PPP1R18: variants seen among roughly 807,000 people sequenced by gnomAD.
PPP1R18 encodes the protein phostensin.
Under a neutral mutation model 54.8 loss-of-function variants are expected in PPP1R18, and 31 were observed. The ratio of observed to expected loss-of-function variants is 0.57; its 90% confidence interval spans 0.43 to 0.76. The LOEUF is 0.76. Among genes scored for constraint, PPP1R18 ranks in the 30% least tolerant of loss-of-function variants. The pLI is 0.00. For missense variants in PPP1R18, 685 were observed against 776.1 expected, an observed-to-expected ratio of 0.88 and a Z score of 1.39; for synonymous variants, 310 against 320.2, an observed-to-expected ratio of 0.97 and a Z score of 0.34.
chr6:30,679,192 C>T lies in PPP1R18; in HGVS notation c.1809G>A (p.Lys603=), dbSNP rs1040350247. Residue 603 remains lysine, a synonymous_variant, in exon 2 of 3, where the codon AAG becomes AAA. Transcript: ENST00000274853. ...QPELQGGLRT[K]ALIVDESCRR ...GCCTCCGCTTACCCACAATCAGGGC[C>T]TTGGTGCGCAGCCCGCCCTGGAGCT... The T allele has an allele frequency of 1.9e-6, 3 of 1,593,332 alleles. No individual in the cohort carries two copies. The highest frequency in any genetic ancestry group is 2.6e-6 in the Non-Finnish European group (3 of 1,174,588).
chr6:30,686,908 C>G (rs946608582), upstream of PPP1R18: 1 of 152,466 alleles, frequency 6.6e-6, no homozygotes, highest in Non-Finnish European at 1.5e-5. Flanking sequence ...CTCCATGTCT[C>G]TTCTCCCCGG....
At chr6:30,681,033 C>T (rs1320421763) in intron 1 of PPP1R18, among the ~76,000 whole-genome samples, 4 of 149,654 alleles carry the variant, frequency 2.7e-5, no homozygotes, top group African/African-American at 9.9e-5. Context: ...TGCAGTGAGC[C>T]GAGGTCGCGC....
rs1770379963 is a variant in PPP1R18, at chr6:30,679,179, C to T, written c.1822G>A (p.Asp608Asn). ...GGLRTKALIVDESCRR is the reference protein window; with the variant it reads ...GGLRTKALIVNESCRR ...TCGGGCCGGCGGAGCCTCCGCTTAC[C>T]CACAATCAGGGCCTTGGTGCGCAGC... Residue 608 changes from aspartate (D) to asparagine (N), a missense_variant and splice_region_variant, in exon 2 of 3, where the codon GAT (aspartate) becomes AAT (asparagine). Transcript: ENST00000274853. 1 of 1,597,654 alleles carries T rather than the reference C, an allele frequency of 6.3e-7. No homozygotes were observed. Among genetic ancestry groups the T allele is most frequent in the Admixed American group, 1.7e-5 (1 of 58,420 alleles).
chr6:30,679,158 G>A lies in PPP1R18; in HGVS notation c.1822+21C>T, dbSNP rs1257444133. On this transcript the variant is annotated intron_variant, in intron 2 of 2. Transcript: ENST00000274853. ...CTCTGACAGCAGGGGGCGCCCTCGG[G>A]CCGGCGGAGCCTCCGCTTACCCACA... 2.5e-6 allele frequency: 4 copies of A among 1,592,122 alleles called. No homozygotes were observed. In the South Asian group the frequency reaches 4.4e-5, roughly 18 times the overall value.
rs907928492 is a variant in PPP1R18, at chr6:30,686,345, C to A, written c.-327G>T. On this transcript the variant is annotated 5_prime_UTR_variant, in exon 1 of 3. Transcript: ENST00000274853. Reference sequence around the variant, plus strand: ...CACAGGGTTAATGCGTATTAAAGACCGTCTCTAGGATGTGAGAAAGAGAGA... The same window carrying A: ...CACAGGGTTAATGCGTATTAAAGACAGTCTCTAGGATGTGAGAAAGAGAGA... 1 of 367,806 alleles carries A rather than the reference C, an allele frequency of 2.7e-6. No homozygotes were observed. Among genetic ancestry groups the A allele is most frequent in the Non-Finnish European group, 4.9e-6 (1 of 204,874 alleles). 22.8% of individuals were successfully genotyped at this position (367,806 alleles called of 1,614,324 possible). A position where few individuals can be genotyped will look rare whatever the true frequency, so the allele number is the denominator to read the frequency against.
upstream of PPP1R18, chr6:30,687,925 C>T (rs1246939099): frequency 6.6e-6 from 1 of 152,272 alleles, no homozygotes; most frequent in Non-Finnish European, 1.5e-5. The surrounding 1 kb of genome is among the most constrained non-coding windows in gnomAD (Gnocchi z 7.9). Context: ...TGGCCGAACC[C>T]CAGCGGTTGC....
chr6:30,683,570 G>C lies in PPP1R18; in HGVS notation c.1611+838C>G, dbSNP rs1770677898. Among the ~76,000 whole-genome samples the C allele has an allele frequency of 6.6e-6, 1 of 152,170 alleles. No homozygotes were observed. Among genetic ancestry groups the C allele is most frequent in the African/African-American group, 2.4e-5 (1 of 41,442 alleles). On this transcript the variant is annotated intron_variant, in intron 1 of 2. Transcript: ENST00000274853. The surrounding 1 kb of genome is among the most constrained non-coding windows in gnomAD (Gnocchi z 5.1). The stretch of plus-strand genomic sequence containing the variant: ...AGTCCAGGATGGCAGGAAAAGAGGG[G>C]AAAACCGATCCCTGAGCCAGTTCTT...
intron 1 of PPP1R18, among the ~76,000 whole-genome samples, chr6:30,682,453 GT>G (rs1028420351): frequency 7.9e-5 from 12 of 152,282 alleles, no homozygotes; most frequent in African/African-American, 2.6e-4. Context: ...TGAAGCGGGG[GT>G]TGGTGGCAGG....
Position 30,686,330 on chromosome 6 carries a change from A to C in PPP1R18, c.-312T>G. On this transcript the variant is annotated 5_prime_UTR_variant, in exon 1 of 3. Coordinates refer to ENST00000274853, the MANE Select transcript of PPP1R18 (RefSeq NM_133471.4). Reference sequence around the variant, plus strand: ...AGCCAGATGTGGCAGCACAGGGTTAATGCGTATTAAAGACCGTCTCTAGGA... The same window carrying C: ...AGCCAGATGTGGCAGCACAGGGTTACTGCGTATTAAAGACCGTCTCTAGGA... 2.4e-6 allele frequency: 1 copy of C among 412,678 alleles called. No homozygotes were observed. The highest frequency in any genetic ancestry group is 4.3e-6 in the Non-Finnish European group (1 of 231,924). 25.6% of individuals were successfully genotyped at this position (412,678 alleles called of 1,614,324 possible). A position where few individuals can be genotyped will look rare whatever the true frequency, so the allele number is the denominator to read the frequency against.
In PPP1R18 at chr6:30,685,176, CTCT is replaced by C; in HGVS notation, c.840_842del (p.Glu281del). The C allele has an allele frequency of 3.7e-6, 6 of 1,613,006 alleles. No homozygotes were observed. The East Asian group carries it at 1.3e-4, about 36-fold the overall frequency. ...TTGGAGCTACCCCTGGAACTGGCCA[CTCT>C]TCTTTTCTCCCACATTCTTCCGAGT... On this transcript the variant is annotated inframe_deletion, in exon 1 of 3. Coordinates refer to ENST00000274853, the MANE Select transcript of PPP1R18 (RefSeq NM_133471.4). This position sits in a 1 kb window ranked among gnomAD's most constrained non-coding sequence, Gnocchi z 5.0.
Position 30,684,765 on chromosome 6 carries a change from C to G in PPP1R18, c.1254G>C (p.Glu418Asp), listed in dbSNP as rs972949108. ...AGTGGLRQQE[E>D]EAVELQPPPP... is the part of the protein sequence containing the mutation. Reference sequence around the variant, plus strand: ...GTGGGGGCTGGAGCTCCACTGCTTCCTCTTCCTGCTGTCTCAGGCCTCCAG... The same window carrying G: ...GTGGGGGCTGGAGCTCCACTGCTTCGTCTTCCTGCTGTCTCAGGCCTCCAG... Residue 418 changes from glutamate to aspartate, a missense_variant, in exon 1 of 3, where the codon GAG becomes GAC. Coordinates refer to ENST00000274853, the MANE Select transcript of PPP1R18 (RefSeq NM_133471.4). The surrounding 1 kb of genome is among the most constrained non-coding windows in gnomAD (Gnocchi z 6.0). 5.2e-5 allele frequency: 83 copies of G among 1,591,488 alleles called. 1 individual carries two copies. Among genetic ancestry groups the G allele is most frequent in the Non-Finnish European group, 1.7e-6 (2 of 1,168,876 alleles).
At position 30,684,704 on chromosome 6, in the gene PPP1R18, T is replaced by G; in HGVS notation, c.1315A>C (p.Thr439Pro). 6.8e-7 allele frequency: 1 copy of G among 1,474,544 alleles called. No homozygotes were observed. The highest frequency in any genetic ancestry group is 9.1e-7 in the Non-Finnish European group (1 of 1,104,724). The allele number at this position is 1,474,544 out of a possible 1,614,324, so 91.3% of individuals were successfully genotyped here. A position where few individuals can be genotyped will look rare whatever the true frequency, so the allele number is the denominator to read the frequency against. ...APLSPPPPAP[T>P]APQPPGDPLM... ...GGATCCCCAGGAGGTTGGGGGGCAG[T>G]TGGGGCTGGGGGTGGGGGAGACAGA... Residue 439 changes from threonine (T) to proline (P), a missense_variant, in exon 1 of 3, where the codon ACT (threonine) becomes CCT (proline). Coordinates refer to ENST00000274853, the MANE Select transcript of PPP1R18 (RefSeq NM_133471.4). The surrounding 1 kb of genome is among the most constrained non-coding windows in gnomAD (Gnocchi z 6.0).
Position 30,686,247 on chromosome 6 carries a change from TG to T in PPP1R18, c.-230del. 2 of 453,576 alleles carry T rather than the reference TG, an allele frequency of 4.4e-6. No homozygotes were observed. The highest frequency in any genetic ancestry group is 7.7e-6 in the Non-Finnish European group (2 of 259,566). 28.1% of individuals were successfully genotyped at this position (453,576 alleles called of 1,614,324 possible). A position where few individuals can be genotyped will look rare whatever the true frequency, so the allele number is the denominator to read the frequency against. ...GTGAAGAGAAGTTGTGAGCCCAAGT[TG>T]GGGGTGGTGGGGGTGATGTGAGAGG... On this transcript the variant is annotated 5_prime_UTR_variant, in exon 1 of 3. Coordinates refer to ENST00000274853, the MANE Select transcript of PPP1R18 (RefSeq NM_133471.4).
At position 30,676,702 on chromosome 6, in the gene PPP1R18, G is replaced by A. The variant is rs542024654; in HGVS notation, c.*567C>T. On this transcript the variant is annotated 3_prime_UTR_variant, in exon 3 of 3. Coordinates refer to ENST00000274853, the MANE Select transcript of PPP1R18 (RefSeq NM_133471.4). ...GAGGGGACAGAGGAGAGAATTCCAC[G>A]CAGACACAGCAAGTAAGCGTGGCTT... The A allele has an allele frequency of 7.0e-5, 15 of 215,202 alleles. No individual in the cohort carries two copies. In the South Asian group the frequency reaches 7.1e-4, roughly 10 times the overall value. 13.3% of individuals were successfully genotyped at this position (215,202 alleles called of 1,614,324 possible). A position where few individuals can be genotyped will look rare whatever the true frequency, so the allele number is the denominator to read the frequency against.
Position 30,685,380 on chromosome 6 carries a change from G to T in PPP1R18, c.639C>A (p.Ser213Arg). 3 of 1,612,990 alleles carry T rather than the reference G, an allele frequency of 1.9e-6. No individual in the cohort carries two copies. The highest frequency in any genetic ancestry group is 2.5e-6 in the Non-Finnish European group (3 of 1,180,014). Residue 213 changes from serine (S) to arginine (R), a missense_variant, in exon 1 of 3, where the codon AGC becomes AGA. Transcript: ENST00000274853. This position sits in a 1 kb window ranked among gnomAD's most constrained non-coding sequence, Gnocchi z 5.0. Reference sequence around the variant, plus strand: ...TACTTTCCACCTCTTTTCTCCTGGGGCTTTGCTCTCGAGACTCTGCTAGTC... The same window carrying T: ...TACTTTCCACCTCTTTTCTCCTGGGTCTTTGCTCTCGAGACTCTGCTAGTC... ...SLRLAESREQSPRRKEVESRL... is the reference protein window; with the variant it reads ...SLRLAESREQRPRRKEVESRL...
Position 30,685,592 on chromosome 6 carries a change from T to C in PPP1R18, c.427A>G (p.Arg143Gly), listed in dbSNP as rs1252395876. The C allele has an allele frequency of 1.5e-5, 24 of 1,612,914 alleles. No homozygotes were observed. Among genetic ancestry groups the C allele is most frequent in the Non-Finnish European group, 2.0e-5 (24 of 1,180,018 alleles). ...TCTCTGGTCTCCCTCGGACTTAGTCTCTCTTCTCTTGACTCTCTTCCCTTG... is the reference window on the plus strand; with the variant it reads ...TCTCTGGTCTCCCTCGGACTTAGTCCCTCTTCTCTTGACTCTCTTCCCTTG... ...SPKGRESREE[R>G]LSPRETRERR... The change falls in exon 1 of 3, where the codon AGA (arginine) becomes GGA (glycine). Residue 143 changes from arginine to glycine, a missense_variant. Physicochemically the swap from Arg to Gly is moderately radical, Grantham distance 125 (BLOSUM62 -2). Transcript: ENST00000274853. The surrounding 1 kb of genome is among the most constrained non-coding windows in gnomAD (Gnocchi z 5.0).
intron 1 of PPP1R18, among the ~76,000 whole-genome samples, chr6:30,681,637 G>A (rs1410143206): frequency 5.9e-5 from 9 of 151,744 alleles, no homozygotes; most frequent in South Asian, 2.1e-4. Context: ...GGTGGCGTGC[G>A]CCTGTAATTC....
chr6:30,677,357 C>G, intron 2 of PPP1R18, 69 bp from the exon 3 acceptor site: 1 of 1,392,904 alleles, frequency 7.2e-7, no homozygotes, highest in Non-Finnish European at 9.8e-7. Flanking sequence ...CCCTTCCCCC[C>G]CACACAAATT....
chr6:30,681,034 G>A (rs1401671565), intron 1 of PPP1R18, among the ~76,000 whole-genome samples: 4 of 150,398 alleles, frequency 2.7e-5, no homozygotes, highest in South Asian at 2.1e-4. Context: ...GCAGTGAGCC[G>A]AGGTCGCGCC....
Sources: gnomAD v4.1 joint callset for allele counts (sites outside exome capture counted in the v4.1 genomes callset) on GRCh38, gnomAD v4.1.1 for gene constraint, Gnocchi (gnomAD v3.1) non-coding constraint, MANE v1.5 for transcripts, NCBI Gene and HGNC (gene_info 2026-07-23, HGNC 2026-07-21) for gene names.